Variants in VWA8 observed in about 807,000 individuals in gnomAD.
VWA8 encodes the protein von Willebrand factor A domain containing 8, also known as von Willebrand factor A domain-containing protein 8.
Under a neutral mutation model 241.5 loss-of-function variants are expected in VWA8, and 221 were observed. That is an observed-to-expected ratio of 0.91 (90% CI 0.82 to 1.02). VWA8 has a LOEUF of 1.02. Ranked by LOEUF, VWA8 falls within the 50% of genes least tolerant of loss-of-function variation. The pLI, the probability that VWA8 is intolerant of heterozygous loss-of-function variation, is 0.00. For synonymous variants in VWA8, 852 were observed against 827.1 expected, an observed-to-expected ratio of 1.03 and a Z score of -0.52; for missense variants, 2,322 against 2,328.7, an observed-to-expected ratio of 1.00 and a Z score of 0.06.
intron 5 of VWA8, among the ~76,000 whole-genome samples, chr13:41,889,769 T>A (rs1874737368): frequency 6.6e-6 from 1 of 152,118 alleles, no homozygotes; most frequent in Non-Finnish European, 1.5e-5. Flanking sequence ...AAAGAATATA[T>A]CAAACTTTTT....
chr13:41,949,827 G>T, intron 2 of VWA8, 109 bp downstream of exon 2: 1 of 554,690 alleles, frequency 1.8e-6, no homozygotes, highest in Non-Finnish European at 3.0e-6. Context: ...GAAGCTGGAT[G>T]ATAAAATCAT....
At chr13:41,803,739 G>T (rs1475599263) in intron 17 of VWA8, among the ~76,000 whole-genome samples, 1 of 152,156 alleles carries the variant, frequency 6.6e-6, no homozygotes, top group African/African-American at 2.4e-5. Context: ...TGACCTTAAA[G>T]AAAGAATGGA....
chr13:41,893,615 G>A (rs1874956782), intron 4 of VWA8, among the ~76,000 whole-genome samples: 1 of 152,202 alleles, frequency 6.6e-6, no homozygotes, highest in Admixed American at 6.5e-5. Context: ...GCCGGGCTCA[G>A]TGGCTCATGC....
chr13:41,809,829 G>T (rs1438990501), intron 17 of VWA8, among the ~76,000 whole-genome samples: 1 of 152,018 alleles, frequency 6.6e-6, no homozygotes, highest in African/African-American at 2.4e-5. Flanking sequence ...CCCACAGAAT[G>T]GGAAAAAATA....
intron 26 of VWA8, among the ~76,000 whole-genome samples, chr13:41,707,817 C>T (rs2045291775): frequency 6.6e-6 from 1 of 152,146 alleles, no homozygotes; most frequent in Non-Finnish European, 1.5e-5. Flanking sequence ...TGGTGAAATC[C>T]TTCTTATTCC....
At chr13:41,784,410 A>G (rs765003933) in intron 18 of VWA8, among the ~76,000 whole-genome samples, 1 of 152,044 alleles carries the variant, frequency 6.6e-6, no homozygotes, top group African/African-American at 2.4e-5. Context: ...CATGCCTGTC[A>G]CCAGCATTTC....
intron 44 of VWA8, 68 bp from the exon 45 acceptor site, chr13:41,568,373 C>T: frequency 1.6e-6 from 2 of 1,256,382 alleles, no homozygotes; most frequent in East Asian, 2.3e-5. Context: ...CCTGCCCTGG[C>T]AAACCACAGC....
intron 17 of VWA8, among the ~76,000 whole-genome samples, chr13:41,794,682 T>C (rs1869608830): frequency 6.6e-6 from 1 of 152,160 alleles, no homozygotes; most frequent in African/African-American, 2.4e-5. Context: ...TGAATAAAAG[T>C]GGTGAAAGAG....
At chr13:41,697,049 C>T (rs2045219606) in intron 29 of VWA8, among the ~76,000 whole-genome samples, 1 of 152,202 alleles carries the variant, frequency 6.6e-6, no homozygotes, top group African/African-American at 2.4e-5. Flanking sequence ...ATAGACATCT[C>T]AAACTGAATC....
chr13:41,896,239 T>C (rs1025057976), intron 4 of VWA8, among the ~76,000 whole-genome samples: 2 of 152,056 alleles, frequency 1.3e-5, no homozygotes, highest in African/African-American at 4.8e-5. Context: ...ACCTTTCCTA[T>C]GTAAGGAAAC....
In VWA8 at chr13:41,567,442, A is replaced by C. The variant is rs897103244; in HGVS notation, c.*755T>G. On this transcript the variant is annotated 3_prime_UTR_variant, in exon 45 of 45. Coordinates refer to ENST00000379310, the MANE Select transcript of VWA8 (RefSeq NM_015058.2). ...TGGAGTACTGTGAATTTTTTGAGAG[A>C]TGCTAGAAGAACAGAAGAAACAGTA... 1.3e-5 allele frequency: 2 copies of C among 152,196 alleles called. No homozygotes were observed. Among genetic ancestry groups the C allele is most frequent in the African/African-American group, 4.8e-5 (2 of 41,446 alleles). The allele number at this position is 152,196 out of a possible 1,614,324, so 9.4% of individuals were successfully genotyped here. A position where few individuals can be genotyped will look rare whatever the true frequency, so the allele number is the denominator to read the frequency against.
intron 37 of VWA8, among the ~76,000 whole-genome samples, chr13:41,652,240 C>T (rs7325458): frequency 0.039 from 5,950 of 152,248 alleles, 144 homozygotes; most frequent in South Asian, 0.078. Flanking sequence ...TCTCTAAGGG[C>T]ACAACTTCCA....
intron 36 of VWA8, among the ~76,000 whole-genome samples, chr13:41,673,603 A>G (rs774225590): frequency 2.0e-5 from 3 of 152,266 alleles, no homozygotes; most frequent in Non-Finnish European, 4.4e-5. Flanking sequence ...GGAATGTAAA[A>G]TATTTCATTA....
intron 2 of VWA8, among the ~76,000 whole-genome samples, chr13:41,944,815 G>A (rs557892214): frequency 1.4e-5 from 2 of 146,874 alleles, no homozygotes; most frequent in African/African-American, 2.6e-5. Context: ...GCACTAACTC[G>A]GGGCATTTGT....
chr13:41,797,675 T>G (rs978145317), intron 17 of VWA8, among the ~76,000 whole-genome samples: 4 of 152,196 alleles, frequency 2.6e-5, no homozygotes, highest in Non-Finnish European at 5.9e-5. Context: ...TTTGTTCATC[T>G]TCTTCATCCC....
intron 37 of VWA8, among the ~76,000 whole-genome samples, chr13:41,645,878 T>C (rs1174756301): frequency 6.6e-6 from 1 of 152,162 alleles, no homozygotes; most frequent in Non-Finnish European, 1.5e-5. Flanking sequence ...TAAGTGCATC[T>C]GAAAGAAGAA....
intron 17 of VWA8, among the ~76,000 whole-genome samples, chr13:41,806,160 A>G (rs1263335959): frequency 6.6e-6 from 1 of 152,116 alleles, no homozygotes. Context: ...GAAATTAAGA[A>G]GAAAACTGAA....
chr13:41,724,404 A>G lies in VWA8; in HGVS notation c.2758+2790T>C, dbSNP rs558942175. Among the ~76,000 whole-genome samples the G allele has an allele frequency of 2.6e-5, 4 of 152,288 alleles. No homozygotes were observed. In the South Asian group the frequency reaches 6.2e-4, roughly 24 times the overall value. ...TGTGTGTTTTGAAGATGAAGGAAAT[A>G]GCCTGATTGCAGATGGGAATAATGT... On this transcript the variant is annotated intron_variant, in intron 24 of 44. Transcript: ENST00000379310.
intron 20 of VWA8, among the ~76,000 whole-genome samples, chr13:41,767,168 T>C (rs531902860): frequency 1.3e-5 from 2 of 152,322 alleles, no homozygotes; most frequent in Admixed American, 6.5e-5. Flanking sequence ...CATAGGCCGC[T>C]AATTTCTTTG....
Sources: allele counts gnomAD v4.1 joint callset (sites outside exome capture counted in the v4.1 genomes callset), GRCh38; gene constraint gnomAD v4.1.1; transcripts MANE v1.5; gene names NCBI Gene and HGNC (gene_info 2026-07-23, HGNC 2026-07-21).